RYR3: variants seen among roughly 807,000 people sequenced by gnomAD.
RYR3 encodes the protein ryanodine receptor 3.
Under a neutral mutation model 584.3 loss-of-function variants are expected in RYR3, and 207 were observed. That is an observed-to-expected ratio of 0.35 (90% CI 0.32 to 0.40). The LOEUF (loss-of-function observed/expected upper bound fraction) is 0.40, where lower values mean the gene tolerates loss of function less well. Among genes scored for constraint, RYR3 ranks in the 10% least tolerant of loss-of-function variants. RYR3 has a pLI of 1.00. For synonymous variants in RYR3, 2,416 were observed against 2,248.5 expected (o/e 1.07, Z -2.11); for missense variants, 5,616 against 6,089.2 (o/e 0.92, Z 2.59).
chr15:33,832,261 T>C (rs912221859), intron 86 of RYR3, among the ~76,000 whole-genome samples: 3 of 148,546 alleles, frequency 2.0e-5, no homozygotes, highest in African/African-American at 7.5e-5. Flanking sequence ...GCCGCCGCAC[T>C]CCAACCTGGG....
At chr15:33,537,966 C>G (rs952034390) in intron 5 of RYR3, among the ~76,000 whole-genome samples, 1 of 151,778 alleles carries the variant, frequency 6.6e-6, no homozygotes, top group African/African-American at 2.4e-5. Context: ...AGCTTTATCC[C>G]ACCACCTTTT....
At chr15:33,680,809 G>A (rs955002375) in intron 38 of RYR3, among the ~76,000 whole-genome samples, 1 of 152,200 alleles carries the variant, frequency 6.6e-6, no homozygotes, top group Non-Finnish European at 1.5e-5. Context: ...TATGTATGTG[G>A]TCAGTAATAT....
At chr15:33,815,861 C>T (rs988884117) in intron 74 of RYR3, 3 of 398,462 alleles carry the variant, frequency 7.5e-6, no homozygotes, top group Non-Finnish European at 1.3e-5. Flanking sequence ...TCTTCCTGAG[C>T]ACCTTTCAAC....
chr15:33,651,260 A>C (rs1429443853), intron 31 of RYR3, among the ~76,000 whole-genome samples: 2 of 152,248 alleles, frequency 1.3e-5, no homozygotes. Context: ...TGTATGACCA[A>C]AGCGAGCCAC....
At chr15:33,592,312 T>C (rs982680936) in intron 16 of RYR3, among the ~76,000 whole-genome samples, 13 of 152,232 alleles carry the variant, frequency 8.5e-5, no homozygotes, top group Admixed American at 2.6e-4. Context: ...GGGGATCATG[T>C]TAACATGAGG....
At chr15:33,592,867 C>A (rs973903327) in intron 16 of RYR3, among the ~76,000 whole-genome samples, 14 of 152,184 alleles carry the variant, frequency 9.2e-5, no homozygotes, top group African/African-American at 3.4e-4. Flanking sequence ...CGTGACAGAG[C>A]CTCAGGAAGT....
At chr15:33,421,446 T>C (rs1004733382) in intron 1 of RYR3, among the ~76,000 whole-genome samples, 2 of 152,192 alleles carry the variant, frequency 1.3e-5, no homozygotes, top group African/African-American at 4.8e-5. Context: ...TAATCTAATC[T>C]GTATGGTTTG....
intron 69 of RYR3, among the ~76,000 whole-genome samples, chr15:33,805,009 C>A (rs532841964): frequency 1.3e-5 from 2 of 152,132 alleles, no homozygotes; most frequent in Non-Finnish European, 2.9e-5. Context: ...TCAAAGATAA[C>A]GCTATTTTTC....
chr15:33,336,479 AGAGAG>A lies in RYR3; in HGVS notation c.51+25384_51+25388del, dbSNP rs1567047066. On this transcript the variant is annotated intron_variant, in intron 1 of 103. Coordinates refer to ENST00000634891, the MANE Select transcript of RYR3 (RefSeq NM_001036.6). ...GAGAGAGAGAGAGAGAGAGAGAGAG[AGAGAG>A]AGAAAGAAAGAAAGAAAGAAGGAGG... Among the ~76,000 whole-genome samples the A allele has an allele frequency of 3.0e-3, 131 of 43,090 alleles. 34 individuals are homozygous for A. Among genetic ancestry groups the A allele is most frequent in the African/African-American group, 0.026 (118 of 4,532 alleles). 28.3% of individuals were successfully genotyped at this position (43,090 alleles called of 152,430 possible). A position where few individuals can be genotyped will look rare whatever the true frequency, so the allele number is the denominator to read the frequency against.
chr15:33,471,073 G>A (rs1176258447), intron 1 of RYR3, among the ~76,000 whole-genome samples: 1 of 152,172 alleles, frequency 6.6e-6, no homozygotes, highest in East Asian at 1.9e-4. Flanking sequence ...AGAATTCAGT[G>A]CAAAGATTTC....
At position 33,747,783 on chromosome 15, in the gene RYR3, A is replaced by C. The variant is rs2070888984; in HGVS notation, c.7990-331A>C. Among the ~76,000 whole-genome samples the C allele has an allele frequency of 1.3e-5, 2 of 152,198 alleles. 1 individual carries two copies. Among genetic ancestry groups the C allele is most frequent in the South Asian group, 4.1e-4 (2 of 4,828 alleles). On this transcript the variant is annotated intron_variant, in intron 53 of 103. Transcript: ENST00000634891. ...CCAAACTCACAGGAGAGCTTTATGC[A>C]GATGCATTTTGACAATCTTCAACAA...
chr15:33,344,893 G>T (rs981618912), intron 1 of RYR3, among the ~76,000 whole-genome samples: 1 of 152,190 alleles, frequency 6.6e-6, no homozygotes, highest in Non-Finnish European at 1.5e-5. Flanking sequence ...CAGAGGGTTA[G>T]CAGAAGTTCT....
At position 33,768,708 on chromosome 15, in the gene RYR3, G is replaced by C; in HGVS notation, c.8755+1G>C. 1.2e-6 allele frequency: 2 copies of C among 1,613,744 alleles called. No individual in the cohort carries two copies. Among genetic ancestry groups the C allele is most frequent in the Non-Finnish European group, 1.7e-6 (2 of 1,179,668 alleles). The stretch of plus-strand genomic sequence containing the variant: ...GTTAGACACAGAATTTCCCTCTTTG[G>C]TAAGTGAAGTGTTGCTCAAGGTACC... On this transcript the variant is annotated splice_donor_variant, in intron 61 of 103. Transcript: ENST00000634891. LOFTEE classifies it high-confidence loss of function.
intron 1 of RYR3, among the ~76,000 whole-genome samples, chr15:33,403,357 G>C (rs2141397241): frequency 6.6e-6 from 1 of 152,308 alleles, no homozygotes; most frequent in South Asian, 2.1e-4. Flanking sequence ...GACTCCAAAT[G>C]ATAAGATACA....
intron 81 of RYR3, among the ~76,000 whole-genome samples, chr15:33,824,285 T>A (rs8027163): frequency 0.34 from 52,006 of 152,110 alleles, 9,192 homozygotes; most frequent in South Asian, 0.52. Flanking sequence ...CCAGCTGAGT[T>A]CTAACAGAAG....
chr15:33,341,457 C>G (rs1461700803), intron 1 of RYR3, among the ~76,000 whole-genome samples: 1 of 152,132 alleles, frequency 6.6e-6, no homozygotes, highest in South Asian at 2.1e-4. Context: ...TTCTTTTAAG[C>G]CTTATCATTC....
intron 1 of RYR3, among the ~76,000 whole-genome samples, chr15:33,334,173 C>A (rs559179894): frequency 6.6e-6 from 1 of 152,118 alleles, no homozygotes; most frequent in East Asian, 1.9e-4. Flanking sequence ...CGGAACTAGA[C>A]AAAACTATTT....
intron 98 of RYR3, chr15:33,856,120 C>G (rs1232883468): frequency 1.3e-5 from 2 of 152,220 alleles, no homozygotes; most frequent in African/African-American, 2.4e-5. Flanking sequence ...ATGTCTCACC[C>G]AAGACCACAC....
intron 1 of RYR3, among the ~76,000 whole-genome samples, chr15:33,395,689 T>C (rs994719809): frequency 2.0e-5 from 3 of 152,224 alleles, no homozygotes; most frequent in African/African-American, 4.8e-5. Context: ...CTGGGTGCTC[T>C]GTGCAATGAT....
Sources: gnomAD v4.1 joint callset for allele counts (sites outside exome capture counted in the v4.1 genomes callset) on GRCh38, gnomAD v4.1.1 for gene constraint, MANE v1.5 for transcripts, NCBI Gene and HGNC (gene_info 2026-07-23, HGNC 2026-07-21) for gene names.